Variants in NBPF9 observed in about 807,000 individuals in gnomAD.
NBPF9 encodes NBPF member 9, also known as NBPF family member NBPF9.
NBPF9 carries 91 observed loss-of-function variants against 97.8 expected under a neutral mutation model. That is an observed-to-expected ratio of 0.93 (90% CI 0.79 to 1.11). The LOEUF is 1.11. Ranked by LOEUF, NBPF9 falls within the 50% of genes least tolerant of loss-of-function variation. The probability of loss-of-function intolerance (pLI) is 0.00; values close to 1 mark genes in which losing one functional copy is unlikely to be tolerated. For missense variants in NBPF9, 992 were observed against 939.5 expected, an observed-to-expected ratio of 1.06 and a Z score of -0.73; for synonymous variants, 334 against 359.5, an observed-to-expected ratio of 0.93 and a Z score of 0.80.
At chr1:149,081,296 T>A (rs1194857207) in intron 7 of NBPF9, among the ~76,000 whole-genome samples, 2 of 151,996 alleles carry the variant, frequency 1.3e-5, no homozygotes, top group Non-Finnish European at 2.9e-5. Context: ...CTTTTTGTAT[T>A]TTTAGTGGAG....
chr1:149,103,067 C>T (rs1424042524), intron 1 of NBPF9, among the ~76,000 whole-genome samples: 6 of 152,004 alleles, frequency 3.9e-5, no homozygotes, highest in African/African-American at 1.4e-4. Flanking sequence ...CACCCGCCAG[C>T]GAGTTTCTTC....
intron 7 of NBPF9, among the ~76,000 whole-genome samples, chr1:149,081,613 GAAC>G (rs1410700578): frequency 5.3e-5 from 8 of 151,710 alleles, no homozygotes; most frequent in East Asian, 1.9e-4. Flanking sequence ...TAGACATTTA[GAAC>G]AACAGACTAG....
rs2078814629 is a variant in NBPF9, at chr1:149,063,822, A to G, written c.1854-17T>C. ...CTGCTGAGCCTGGAAAAGTGGGAAA[A>G]AGTAAAGAATAAGCCAGGGGGAATC... On this transcript the variant is annotated splice_polypyrimidine_tract_variant and intron_variant, in intron 19 of 29. Transcript: ENST00000584027. The G allele has an allele frequency of 1.6e-6, 1 of 637,230 alleles. No individual in the cohort carries two copies. Among genetic ancestry groups the G allele is most frequent in the Non-Finnish European group, 2.8e-6 (1 of 357,692 alleles). The allele number at this position is 637,230 out of a possible 1,614,324, so 39.5% of individuals were successfully genotyped here.
chr1:149,084,140 C>G (rs200939846), intron 5 of NBPF9, among the ~76,000 whole-genome samples: 8,866 of 149,446 alleles, frequency 0.059, 766 homozygotes, highest in East Asian at 0.48. Flanking sequence ...CATCACACAC[C>G]AGGGCCTGTC....
exon 30 of NBPF9, chr1:149,055,860 G>A (rs782197514): frequency 6.2e-7 from 1 of 1,608,338 alleles, no homozygotes; most frequent in African/African-American, 1.3e-5. Flanking sequence ...AGTCCTGCAA[G>A]ACTTCAGGCT....
At chr1:149,073,590 C>G (rs1211291974) in intron 13 of NBPF9, among the ~76,000 whole-genome samples, 178 bp downstream of exon 13, 1 of 149,748 alleles carries the variant, frequency 6.7e-6, no homozygotes, top group Non-Finnish European at 1.5e-5. Flanking sequence ...CAACTGCAAC[C>G]CATACATTTT....
At chr1:149,086,195 C>T (rs1270684636) in intron 5 of NBPF9, among the ~76,000 whole-genome samples, 6 of 148,812 alleles carry the variant, frequency 4.0e-5, no homozygotes, top group East Asian at 2.0e-4. Context: ...AGCATCCATA[C>T]GTGGCAGGCC....
intron 18 of NBPF9, chr1:149,064,795 G>A: frequency 1.5e-5 from 9 of 581,500 alleles, no homozygotes; most frequent in Non-Finnish European, 2.7e-5. Context: ...ACACCTCATA[G>A]GAGAGATACT....
At chr1:149,076,319 G>T (rs161315) in intron 11 of NBPF9, among the ~76,000 whole-genome samples, 84,948 of 150,180 alleles carry the variant, frequency 0.57, 25,201 homozygotes, top group East Asian at 0.63. Flanking sequence ...TCCCTCAGCC[G>T]GCCAAGCATC....
At position 149,061,410 on chromosome 1, in the gene NBPF9, C is replaced by A. The variant is rs1338031242; in HGVS notation, c.2252-27G>T. On this transcript the variant is annotated intron_variant, in intron 22 of 29. Coordinates refer to ENST00000584027, the Ensembl canonical transcript of NBPF9. The stretch of plus-strand genomic sequence containing the variant: ...TGCAATACATTCAGACAGGGACAGA[C>A]AAAATAAGCCAATTCACCTACACCC... The A allele has an allele frequency of 1.8e-5, 7 of 386,040 alleles. 2 individuals are homozygous for A. The highest frequency in any genetic ancestry group is 2.7e-5 in the Non-Finnish European group (6 of 218,552). 23.9% of individuals were successfully genotyped at this position (386,040 alleles called of 1,614,324 possible).
chr1:149,060,983 G>C (rs1443703504), intron 23 of NBPF9: 1 of 416,156 alleles, frequency 2.4e-6, no homozygotes, highest in East Asian at 3.2e-5. Flanking sequence ...ACTGATGAGG[G>C]AGTAACAGGA....
At chr1:149,063,104 G>T (rs1202958720) in intron 20 of NBPF9, among the ~76,000 whole-genome samples, 191 bp from the exon 21 acceptor site, 1 of 141,408 alleles carries the variant, frequency 7.1e-6, no homozygotes, top group Non-Finnish European at 1.5e-5. Flanking sequence ...CAGAAACTGT[G>T]GGTAAAATTC....
intron 15 of NBPF9, among the ~76,000 whole-genome samples, 193 bp downstream of exon 15, chr1:149,071,411 C>A (rs1553652905): frequency 6.7e-6 from 1 of 148,596 alleles, no homozygotes; most frequent in Non-Finnish European, 1.5e-5. Context: ...TTGTACGGTG[C>A]AGACATGACA....
chr1:149,056,048 A>C, intron 29 of NBPF9, 149 bp from the exon 30 acceptor site: 2 of 1,520,346 alleles, frequency 1.3e-6, no homozygotes, highest in East Asian at 2.4e-5. Flanking sequence ...TATTGCCTTT[A>C]TGTTGGGATA....
At chr1:149,077,815 G>C in intron 10 of NBPF9, 68 bp downstream of exon 10, 23 of 1,589,882 alleles carry the variant, frequency 1.4e-5, no homozygotes, top group South Asian at 3.3e-5. Context: ...AGATGCCAGA[G>C]AGGGTGTGCC....
intron 3 of NBPF9, among the ~76,000 whole-genome samples, chr1:149,099,429 G>C (rs1166589564): frequency 5.3e-5 from 8 of 152,252 alleles, no homozygotes; most frequent in Non-Finnish European, 8.8e-5. Context: ...GGAGATTGTT[G>C]AATATGGTAT....
At chr1:149,061,181 T>A (rs2078573948) in intron 23 of NBPF9, 151 bp downstream of exon 23, 2 of 337,170 alleles carry the variant, frequency 5.9e-6, no homozygotes, top group African/African-American at 6.0e-5. Flanking sequence ...CCTAAATATC[T>A]ACTGCAATGA....
intron 2 of NBPF9, among the ~76,000 whole-genome samples, chr1:149,101,923 C>CTTTT (rs1229722249): frequency 1.2e-5 from 1 of 80,670 alleles, no homozygotes; most frequent in Non-Finnish European, 2.5e-5. Context: ...ATTACCTGTA[C>CTTTT]TTTTTTTTTT....
chr1:149,055,704 C>G, exon 30 of NBPF9: 1 of 1,611,910 alleles, frequency 6.2e-7, no homozygotes, highest in Non-Finnish European at 8.5e-7. Flanking sequence ...GGAGACTTGT[C>G]ACCGTCAAAG....
Sources: gnomAD v4.1 joint callset for allele counts (sites outside exome capture counted in the v4.1 genomes callset) on GRCh38, gnomAD v4.1.1 for gene constraint, MANE v1.5 for transcripts, NCBI Gene and HGNC (gene_info 2026-07-23, HGNC 2026-07-21) for gene names.